Variants in PTPRD observed in about 807,000 individuals in gnomAD.
PTPRD encodes receptor-type tyrosine-protein phosphatase delta.
Under a neutral mutation model 214.5 loss-of-function variants are expected in PTPRD, and 34 were observed. That is an observed-to-expected ratio of 0.16 (90% CI 0.12 to 0.21). The LOEUF (loss-of-function observed/expected upper bound fraction) is 0.21, where lower values mean the gene tolerates loss of function less well. Among genes scored for constraint, PTPRD ranks in the 10% least tolerant of loss-of-function variants. PTPRD has a pLI of 1.00. For missense variants in PTPRD, 2,545 were observed against 2,398.7 expected, an observed-to-expected ratio of 1.06 and a Z score of -1.27; for synonymous variants, 1,128 against 845.7, an observed-to-expected ratio of 1.33 and a Z score of -5.79.
intron 5 of PTPRD, among the ~76,000 whole-genome samples, chr9:9,844,051 A>G (rs2058926237): frequency 6.6e-6 from 1 of 151,898 alleles, no homozygotes; most frequent in Non-Finnish European, 1.5e-5. Flanking sequence ...CATTTCAACC[A>G]TGTTCTTTGG....
chr9:10,303,967 T>C (rs1002239463), intron 3 of PTPRD, among the ~76,000 whole-genome samples: 1 of 152,008 alleles, frequency 6.6e-6, no homozygotes, highest in Non-Finnish European at 1.5e-5. Flanking sequence ...CAAAAAAAGA[T>C]AATTTCAGGC....
intron 8 of PTPRD, among the ~76,000 whole-genome samples, chr9:9,507,112 A>C (rs2096588051): frequency 6.6e-6 from 1 of 151,482 alleles, no homozygotes; most frequent in South Asian, 2.1e-4. Context: ...AGGAAATAAT[A>C]AAAGATGAAA....
At position 9,112,968 on chromosome 9, in the gene PTPRD, C is replaced by CT. The variant is rs1022842660; in HGVS notation, c.-143+70335dup. On this transcript the variant is annotated intron_variant, in intron 10 of 45. Coordinates refer to ENST00000381196, the MANE Select transcript of PTPRD (RefSeq NM_002839.4). ...TAGAAATCTGAGCTCCTATTTTTTT[C>CT]TTTTTTTTTTGTTTGAGACAGAGTC... Among the ~76,000 whole-genome samples the CT allele has an allele frequency of 2.4e-3, 299 of 125,708 alleles. 3 individuals are homozygous for CT. The highest frequency in any genetic ancestry group is 7.3e-3 in the South Asian group (28 of 3,844). The allele number at this position is 125,708 out of a possible 152,430, so 82.5% of individuals were successfully genotyped here. A position where few individuals can be genotyped will look rare whatever the true frequency, so the allele number is the denominator to read the frequency against.
intron 5 of PTPRD, among the ~76,000 whole-genome samples, chr9:9,920,646 T>A (rs2082295768): frequency 6.6e-6 from 1 of 152,146 alleles, no homozygotes; most frequent in Non-Finnish European, 1.5e-5. Flanking sequence ...TGCCAATTGC[T>A]CACTGCTCAG....
chr9:8,753,080 A>C (rs2154465036), intron 11 of PTPRD, among the ~76,000 whole-genome samples: 1 of 152,328 alleles, frequency 6.6e-6, no homozygotes, highest in African/African-American at 2.4e-5. Flanking sequence ...TCTGGCAGCA[A>C]CCAACTAATA....
At chr9:10,413,404 G>C (rs2098456886) in intron 2 of PTPRD, among the ~76,000 whole-genome samples, 1 of 151,800 alleles carries the variant, frequency 6.6e-6, no homozygotes, top group African/African-American at 2.4e-5. Flanking sequence ...GCTCACGAGG[G>C]ATGTAAAAGA....
intron 4 of PTPRD, among the ~76,000 whole-genome samples, chr9:9,957,656 A>G (rs1202665494): frequency 1.3e-5 from 2 of 152,086 alleles, no homozygotes; most frequent in African/African-American, 4.8e-5. Flanking sequence ...AAAGCAAAAA[A>G]CCTTAACACA....
At chr9:8,715,336 A>C (rs549051028) in intron 12 of PTPRD, among the ~76,000 whole-genome samples, 10 of 152,306 alleles carry the variant, frequency 6.6e-5, no homozygotes, top group Non-Finnish European at 1.3e-4. Context: ...CATTTCACAG[A>C]TGAGCAACCT....
chr9:9,760,906 G>A (rs1282459285), intron 6 of PTPRD, among the ~76,000 whole-genome samples: 1 of 152,142 alleles, frequency 6.6e-6, no homozygotes, highest in Non-Finnish European at 1.5e-5. Flanking sequence ...ACCACCAAAT[G>A]CTGGCAGGGA....
intron 11 of PTPRD, among the ~76,000 whole-genome samples, chr9:8,959,543 C>A (rs2099148328): frequency 6.6e-6 from 1 of 151,878 alleles, no homozygotes; most frequent in Non-Finnish European, 1.5e-5. Flanking sequence ...GCATTTTGGG[C>A]TTCATCCAAA....
chr9:10,308,436 C>A (rs549149805), intron 3 of PTPRD, among the ~76,000 whole-genome samples: 1 of 152,116 alleles, frequency 6.6e-6, no homozygotes, highest in South Asian at 2.1e-4. Flanking sequence ...TGTTTTTACA[C>A]CAACACCATG....
intron 10 of PTPRD, among the ~76,000 whole-genome samples, chr9:9,119,326 C>T (rs1357667808): frequency 6.6e-6 from 1 of 152,050 alleles, no homozygotes; most frequent in Non-Finnish European, 1.5e-5. Context: ...ATGAGCCTTC[C>T]TTCCAATGTC....
At chr9:9,944,482 TTAAA>T (rs2092238333) in intron 4 of PTPRD, among the ~76,000 whole-genome samples, 1 of 151,992 alleles carries the variant, frequency 6.6e-6, no homozygotes, top group Non-Finnish European at 1.5e-5. Flanking sequence ...AGTACAAAAA[TTAAA>T]TAAGATTAAT....
chr9:8,924,960 G>A (rs1378904334), intron 11 of PTPRD, among the ~76,000 whole-genome samples: 1 of 152,094 alleles, frequency 6.6e-6, no homozygotes, highest in Non-Finnish European at 1.5e-5. Context: ...TGATTGTGGT[G>A]GAAATGAACA....
chr9:10,102,615 A>G (rs1435260961), intron 3 of PTPRD, among the ~76,000 whole-genome samples: 2 of 151,620 alleles, frequency 1.3e-5, no homozygotes, highest in Non-Finnish European at 3.0e-5. Context: ...TATTGAATTT[A>G]TGCACAATTT....
At chr9:10,564,960 G>A (rs562881826) in intron 2 of PTPRD, among the ~76,000 whole-genome samples, 16 of 152,078 alleles carry the variant, frequency 1.1e-4, no homozygotes, top group Non-Finnish European at 2.2e-4. Context: ...ATTAGGGCAT[G>A]AAGTCCAACA....
chr9:10,297,283 T>C (rs1327368972), intron 3 of PTPRD, among the ~76,000 whole-genome samples: 1 of 151,890 alleles, frequency 6.6e-6, no homozygotes, highest in Non-Finnish European at 1.5e-5. Flanking sequence ...ATAACATTAT[T>C]TTTTTAAGTA....
chr9:8,643,344 G>A (rs1363461942), intron 12 of PTPRD, among the ~76,000 whole-genome samples: 1 of 151,682 alleles, frequency 6.6e-6, no homozygotes, highest in African/African-American at 2.4e-5. Flanking sequence ...ATAGGTATTA[G>A]GAAGGGAGGG....
intron 3 of PTPRD, among the ~76,000 whole-genome samples, chr9:10,163,818 CAT>C (rs1394454105): frequency 2.6e-5 from 4 of 151,468 alleles, no homozygotes; most frequent in Non-Finnish European, 5.9e-5. Flanking sequence ...ATATCCAAGT[CAT>C]ATGTTCAACA....
Sources: gnomAD v4.1 joint callset for allele counts (sites outside exome capture counted in the v4.1 genomes callset) on GRCh38, gnomAD v4.1.1 for gene constraint, MANE v1.5 for transcripts, NCBI Gene and HGNC (gene_info 2026-07-23, HGNC 2026-07-21) for gene names.